Variants in NUP85 observed in about 807,000 individuals in gnomAD.
The protein encoded by NUP85 is nucleoporin 85.
NUP85 carries 23 observed loss-of-function variants against 92.8 expected under a neutral mutation model. That is an observed-to-expected ratio of 0.25 (90% CI 0.18 to 0.35). The LOEUF is 0.35. Ranked by LOEUF, NUP85 falls within the 10% of genes least tolerant of loss-of-function variation. The pLI is 1.00. For missense variants in NUP85, 759 were observed against 822.8 expected, an observed-to-expected ratio of 0.92 and a Z score of 0.95; for synonymous variants, 314 against 306.9, an observed-to-expected ratio of 1.02 and a Z score of -0.24.
chr17:75,222,774 G>A (rs1180505578), intron 7 of NUP85, among the ~76,000 whole-genome samples: 1 of 151,936 alleles, frequency 6.6e-6, no homozygotes, highest in Non-Finnish European at 1.5e-5. Flanking sequence ...AGTGGCTCAC[G>A]CCTGTAATCC....
In NUP85 at chr17:75,231,970, A is replaced by G; in HGVS notation, c.1387A>G (p.Thr463Ala). Reference protein sequence around the residue: ...VLRICEQRQMTEQVRSICKIL... With the variant: ...VLRICEQRQMAEQVRSICKIL... Reference sequence around the variant, plus strand: ...GCGGATCTGTGAGCAGCGGCAGATGACTGAACAAGGTGAGCTGGCCCTGCT... The same window carrying G: ...GCGGATCTGTGAGCAGCGGCAGATGGCTGAACAAGGTGAGCTGGCCCTGCT... Residue 463 changes from threonine to alanine, a missense_variant, in exon 14 of 19, where the codon ACT becomes GCT. By Grantham distance (58) the Thr-to-Ala change is moderately conservative. Coordinates refer to ENST00000245544, the MANE Select transcript of NUP85 (RefSeq NM_024844.5). This position sits in a 1 kb window ranked among gnomAD's most constrained non-coding sequence, Gnocchi z 4.6. 6.2e-7 allele frequency: 1 copy of G among 1,614,108 alleles called. No homozygotes were observed. The highest frequency in any genetic ancestry group is 1.1e-5 in the South Asian group (1 of 91,080).
rs749399274 is a variant in NUP85, at chr17:75,234,732, C to T, written c.1711C>T (p.Arg571Trp). 1.9e-5 allele frequency: 30 copies of T among 1,614,076 alleles called. No individual in the cohort carries two copies. Among genetic ancestry groups the T allele is most frequent in the South Asian group, 1.4e-4 (13 of 91,088 alleles). The change falls in exon 17 of 19, where the codon CGG becomes TGG. Residue 571 changes from arginine (R) to tryptophan (W), a missense_variant. Physicochemically the swap from Arg to Trp is moderately radical, Grantham distance 101 (BLOSUM62 -3). Transcript: ENST00000245544. ...CTTGATGACGTCTCGGATTGCCCCTCGGTCTTTCTGGATGACTCTGCTGAC... is the reference window on the plus strand; with the variant it reads ...CTTGATGACGTCTCGGATTGCCCCTTGGTCTTTCTGGATGACTCTGCTGAC... ...LSLMTSRIAP[R>W]SFWMTLLTDA...
In NUP85 at chr17:75,208,602, A is replaced by G; in HGVS notation, c.109A>G (p.Thr37Ala). The change falls in exon 2 of 19, where the codon ACC (threonine) becomes GCC (alanine). Residue 37 changes from threonine (T) to alanine (A), a missense_variant. By Grantham distance (58) the Thr-to-Ala change is moderately conservative. Coordinates refer to ENST00000245544, the MANE Select transcript of NUP85 (RefSeq NM_024844.5). ...WGPGEMLVCE[T>A]SFNKKEKSEM... is the part of the protein sequence containing the mutation. The stretch of plus-strand genomic sequence containing the variant: ...TCCAGGGGAGATGCTGGTATGTGAA[A>G]CCTCCTTCAACAAAAAAGGTAGGGT... The G allele has an allele frequency of 6.3e-7, 1 of 1,595,388 alleles. No homozygotes were observed. The highest frequency in any genetic ancestry group is 1.1e-5 in the South Asian group (1 of 89,436).
chr17:75,218,978 A>T (rs8072834), intron 7 of NUP85, among the ~76,000 whole-genome samples: 1 of 151,972 alleles, frequency 6.6e-6, no homozygotes, highest in African/African-American at 2.4e-5. Flanking sequence ...GAGCTTGCAC[A>T]TTACTTTGGA....
chr17:75,228,361 C>A (rs146951568), intron 11 of NUP85: 3 of 985,314 alleles, frequency 3.0e-6, no homozygotes, highest in Admixed American at 6.2e-5. Context: ...TCCACTCTCA[C>A]AAGCAGGAAG....
intron 14 of NUP85, 22 bp from the exon 15 acceptor site, chr17:75,232,829 C>T (rs1197614559): frequency 2.5e-6 from 4 of 1,606,798 alleles, no homozygotes; most frequent in African/African-American, 1.3e-5. Context: ...AAGCCGTTTA[C>T]CTTTTCTTTT....
intron 1 of NUP85, among the ~76,000 whole-genome samples, chr17:75,206,720 C>G (rs1020517070): frequency 2.0e-5 from 3 of 152,046 alleles, no homozygotes; most frequent in African/African-American, 7.2e-5. Flanking sequence ...ATTTTTTAGA[C>G]GGAGTCTCGC....
Position 75,209,881 on chromosome 17 carries a change from T to C in NUP85, c.186T>C (p.Asp62=), listed in dbSNP as rs34126097. The C allele has an allele frequency of 0.084, 133,651 of 1,587,594 alleles. 6,203 individuals are homozygous for C. Among genetic ancestry groups the C allele is most frequent in the Middle Eastern group, 0.1 (618 of 6,006 alleles). The part of the protein sequence containing the change: ...PFIYIIRKDV[D]VYSQILRKLF... ...TCTATATCATCCGTAAGGATGTAGA[T>C]GTTTACTCTCAAATCTTGAGAAAAC... Residue 62 remains aspartate, a synonymous_variant, in exon 3 of 19, where the codon GAT becomes GAC. Coordinates refer to ENST00000245544, the MANE Select transcript of NUP85 (RefSeq NM_024844.5).
intron 7 of NUP85, among the ~76,000 whole-genome samples, chr17:75,221,698 C>CTAG (rs1446780210): frequency 4.6e-5 from 7 of 152,144 alleles, no homozygotes; most frequent in Admixed American, 1.3e-4. Flanking sequence ...ACAGTAAAAG[C>CTAG]TAGTCTTTTA....
intron 11 of NUP85, 152 bp downstream of exon 11, chr17:75,226,309 A>G (rs772953942): frequency 1.3e-5 from 8 of 626,298 alleles, no homozygotes; most frequent in Admixed American, 2.8e-5. Flanking sequence ...AATACCTGAG[A>G]CCAGATAATT....
At position 75,233,430 on chromosome 17, in the gene NUP85, A is replaced by C. The variant is rs8076568; in HGVS notation, c.1615+272A>C. Among the ~76,000 whole-genome samples the C allele has an allele frequency of 2.2e-4, 28 of 128,664 alleles. 1 individual carries two copies. Among genetic ancestry groups the C allele is most frequent in the African/African-American group, 5.9e-4 (20 of 33,894 alleles). 84.4% of individuals were successfully genotyped at this position (128,664 alleles called of 152,430 possible). On this transcript the variant is annotated intron_variant, in intron 16 of 18. Transcript: ENST00000245544. ...CTTTCTTTCTTTCTTCTTTTCTTTTATTTTTTCTTTTTTTTTTTTTTTGAG... is the reference window on the plus strand; with the variant it reads ...CTTTCTTTCTTTCTTCTTTTCTTTTCTTTTTTCTTTTTTTTTTTTTTTGAG...
chr17:75,215,679 C>G, intron 5 of NUP85, 75 bp from the exon 6 acceptor site: 1 of 1,345,118 alleles, frequency 7.4e-7, no homozygotes, highest in South Asian at 1.2e-5. Flanking sequence ...GAGTCAAAGT[C>G]TGCTTTATCC....
rs1258898335 is a variant in NUP85, at chr17:75,208,597, G to C, written c.104G>C (p.Cys35Ser). ...FDWGPGEMLV[C>S]ETSFNKKEKS... ...TGGGGTCCAGGGGAGATGCTGGTAT[G>C]TGAAACCTCCTTCAACAAAAAAGGT... Residue 35 changes from cysteine (C) to serine (S), a missense_variant, in exon 2 of 19, where the codon TGT (cysteine) becomes TCT (serine). Cys to Ser is a moderately radical substitution (Grantham distance 112). Coordinates refer to ENST00000245544, the MANE Select transcript of NUP85 (RefSeq NM_024844.5). 1 of 1,601,968 alleles carries C rather than the reference G, an allele frequency of 6.2e-7. No individual in the cohort carries two copies. Among genetic ancestry groups the C allele is most frequent in the African/African-American group, 1.3e-5 (1 of 74,620 alleles).
At chr17:75,230,569 G>C (rs1000768457) in intron 11 of NUP85, among the ~76,000 whole-genome samples, 1 of 152,004 alleles carries the variant, frequency 6.6e-6, no homozygotes, top group African/African-American at 2.4e-5. Flanking sequence ...CCGTGTTAGC[G>C]AAGATGGTCT....
At chr17:75,217,781 C>T (rs2075475942) in intron 6 of NUP85, among the ~76,000 whole-genome samples, 1 of 152,190 alleles carries the variant, frequency 6.6e-6, no homozygotes, top group Non-Finnish European at 1.5e-5. Context: ...TGCTGGGATT[C>T]CAGGTGTGCA....
Position 75,234,783 on chromosome 17 carries a change from A to C in NUP85, c.1762A>C (p.Lys588Gln). ...LTDALPLLEQ[K>Q]QVIFSAEQTY... ...AGACGCCTTGCCCCTTTTGGAACAG[A>C]AACAGGTGAAGGTTGCAGCAGCAGT... The change falls in exon 17 of 19, where the codon AAA (lysine) becomes CAA (glutamine). Residue 588 changes from lysine (K) to glutamine (Q), a missense_variant. Physicochemically the swap from Lys to Gln is moderately conservative, Grantham distance 53. Transcript: ENST00000245544. The C allele has an allele frequency of 1.2e-6, 2 of 1,614,124 alleles. No individual in the cohort carries two copies. The highest frequency in any genetic ancestry group is 2.2e-5 in the South Asian group (2 of 91,078).
In NUP85 at chr17:75,231,474, A is replaced by C. The variant is rs1335334392; in HGVS notation, c.1178+51A>C. 1 of 1,608,438 alleles carries C rather than the reference A, an allele frequency of 6.2e-7. No individual in the cohort carries two copies. Among genetic ancestry groups the C allele is most frequent in the African/African-American group, 1.3e-5 (1 of 74,900 alleles). ...TCCTCTTCTTACCACCAGGCCCCCG[A>C]GGGTGGTGTGAACTGAATGCCTGAA... On this transcript the variant is annotated intron_variant, in intron 12 of 18. Transcript: ENST00000245544. This position sits in a 1 kb window ranked among gnomAD's most constrained non-coding sequence, Gnocchi z 4.6.
intron 7 of NUP85, among the ~76,000 whole-genome samples, chr17:75,220,209 C>CT (rs2075557148): frequency 6.6e-6 from 1 of 151,922 alleles, no homozygotes; most frequent in Admixed American, 6.6e-5. Flanking sequence ...ACTGCGACCT[C>CT]TGCCTCCGGG....
At chr17:75,214,322 G>A (rs1033455326) in intron 5 of NUP85, among the ~76,000 whole-genome samples, 1 of 152,184 alleles carries the variant, frequency 6.6e-6, no homozygotes, top group Non-Finnish European at 1.5e-5. Context: ...CATGGTGTCT[G>A]TGGACTGAAG....
Sources: gnomAD v4.1 joint callset for allele counts (sites outside exome capture counted in the v4.1 genomes callset) on GRCh38, gnomAD v4.1.1 for gene constraint, Gnocchi (gnomAD v3.1) non-coding constraint, MANE v1.5 for transcripts, NCBI Gene and HGNC (gene_info 2026-07-23, HGNC 2026-07-21) for gene names.